The following DNASE1 variants were observed in gnomAD, a reference collection of about 807,000 sequenced individuals.
DNASE1 encodes deoxyribonuclease-1.
In DNASE1, 40 loss-of-function variants were observed where a neutral mutation model predicts 33.9. The observed-to-expected ratio is 1.18, with a 90% confidence interval of 0.92 to 1.54. The LOEUF (loss-of-function observed/expected upper bound fraction) is 1.54. Ranked by LOEUF, DNASE1 falls within the 40% of genes most tolerant of loss-of-function variation. The pLI, the probability that DNASE1 is intolerant of heterozygous loss-of-function variation, is 0.00. For synonymous variants in DNASE1, 216 were observed against 160.0 expected (o/e 1.35, Z -2.64); for missense variants, 518 against 372.6 (o/e 1.39, Z -3.21).
intron 1 of DNASE1, among the ~76,000 whole-genome samples, chr16:3,619,505 G>A (rs934125421): frequency 6.6e-6 from 1 of 151,940 alleles, no homozygotes; most frequent in Non-Finnish European, 1.5e-5. Context: ...GGGGCTACAG[G>A]CTCCCGCCAC....
At chr16:3,638,701 A>G (rs537851729), upstream of DNASE1, among the ~76,000 whole-genome samples, 3 of 152,188 alleles carry the variant, frequency 2.0e-5, no homozygotes, top group South Asian at 4.1e-4. Context: ...TATTTGGGAA[A>G]TTTTGCTTAT....
downstream of DNASE1, chr16:3,660,682 G>A (rs1274871003): frequency 1.3e-5 from 2 of 152,204 alleles, no homozygotes; most frequent in Admixed American, 1.3e-4. Context: ...CTAGGAAGAT[G>A]CATCTCCCTC....
downstream of DNASE1, chr16:3,658,800 A>G (rs769957626): frequency 8.7e-6 from 14 of 1,613,580 alleles, no homozygotes; most frequent in Non-Finnish European, 1.2e-5. Flanking sequence ...CACCTGATCC[A>G]CCAGCAGCTG....
intron 1 of DNASE1, among the ~76,000 whole-genome samples, chr16:3,647,713 A>G (rs1041783004): frequency 2.0e-5 from 3 of 152,182 alleles, no homozygotes; most frequent in Non-Finnish European, 4.4e-5. Context: ...ATGTGACTGT[A>G]AAATATAAGG....
exon 10 of DNASE1, chr16:3,663,458 G>A (rs745429831): frequency 3.1e-6 from 5 of 1,614,180 alleles, no homozygotes; most frequent in Middle Eastern, 1.6e-4. Context: ...CCTCCTTGTA[G>A]TGATCCACGA....
upstream of DNASE1, among the ~76,000 whole-genome samples, chr16:3,649,744 GC>G (rs1238780555): frequency 6.6e-6 from 1 of 152,138 alleles, no homozygotes; most frequent in African/African-American, 2.4e-5. Flanking sequence ...TTATCTTGTG[GC>G]CTGGGTAGTG....
chr16:3,646,872 G>T (rs1037214379), intron 1 of DNASE1, among the ~76,000 whole-genome samples: 7 of 152,048 alleles, frequency 4.6e-5, no homozygotes, highest in African/African-American at 1.7e-4. Flanking sequence ...GCGGGGCCTA[G>T]GATGATCTCA....
upstream of DNASE1, among the ~76,000 whole-genome samples, chr16:3,642,250 C>T (rs1163866322): frequency 1.3e-5 from 2 of 152,248 alleles, no homozygotes; most frequent in African/African-American, 4.8e-5. Context: ...CTTCTGAGCA[C>T]TGCTCTGACA....
chr16:3,650,118 A>T (rs1223293372), upstream of DNASE1, among the ~76,000 whole-genome samples: 1 of 152,160 alleles, frequency 6.6e-6, no homozygotes, highest in African/African-American at 2.4e-5. Flanking sequence ...GAGTTAATTC[A>T]TGGATATTTA....
At chr16:3,653,717 G>A (rs2042417698), upstream of DNASE1, 1 of 138,566 alleles carries the variant, frequency 7.2e-6, no homozygotes, top group African/African-American at 2.7e-5. Context: ...TGAGGCAGAA[G>A]AATTGCTTGA....
At position 3,656,753 on chromosome 16, in the gene DNASE1, G is replaced by A. The variant is rs755563219; in HGVS notation, c.436G>A (p.Glu146Lys). 1 of 1,603,386 alleles carries A rather than the reference G, an allele frequency of 6.2e-7. No individual in the cohort carries two copies. ...TGTCAGGTTCTTCTCCCGGTTCACAGGTGGGTGCTGCCTGGGCCAGGGTGG... is the reference window on the plus strand; with the variant it reads ...TGTCAGGTTCTTCTCCCGGTTCACAAGTGGGTGCTGCCTGGGCCAGGGTGG... ...AIVRFFSRFT[E>K]VREFAIVPLH... Residue 146 changes from glutamate (E) to lysine (K), a missense_variant and splice_region_variant, in exon 5 of 9, where the codon GAG becomes AAG. Coordinates refer to ENST00000246949, the MANE Select transcript of DNASE1 (RefSeq NM_005223.4).
At chr16:3,647,178 A>G (rs2042197925) in intron 1 of DNASE1, among the ~76,000 whole-genome samples, 1 of 151,204 alleles carries the variant, frequency 6.6e-6, no homozygotes, top group Non-Finnish European at 1.5e-5. Flanking sequence ...ACTAATGGTT[A>G]CCTTATTTTT....
At chr16:3,623,850 CAGTG>C (rs2041410631) in intron 1 of DNASE1, among the ~76,000 whole-genome samples, 4 of 152,150 alleles carry the variant, frequency 2.6e-5, no homozygotes, top group Admixed American at 2.6e-4. Context: ...ATCAAAACCA[CAGTG>C]AGATATCATC....
upstream of DNASE1, chr16:3,654,348 G>A (rs1480352467): frequency 5.0e-6 from 2 of 398,818 alleles, no homozygotes; most frequent in Non-Finnish European, 4.4e-6. Flanking sequence ...ACCACTGCTT[G>A]TTCCGAGCTC....
At chr16:3,641,949 A>T (rs1375049284), upstream of DNASE1, among the ~76,000 whole-genome samples, 3 of 152,220 alleles carry the variant, frequency 2.0e-5, no homozygotes, top group Non-Finnish European at 2.9e-5. Flanking sequence ...GCAGAGTTGG[A>T]AGAAATACAG....
chr16:3,659,117 A>C, downstream of DNASE1: 1 of 434,946 alleles, frequency 2.3e-6, no homozygotes, highest in Non-Finnish European at 4.1e-6. Context: ...CTAAAGGGAC[A>C]AAAGGAGCTT....
chr16:3,647,465 G>T (rs748252237), intron 1 of DNASE1, among the ~76,000 whole-genome samples: 1 of 151,972 alleles, frequency 6.6e-6, no homozygotes, highest in African/African-American at 2.4e-5. Flanking sequence ...GTAGAGACAG[G>T]TTCTTGCCAT....
chr16:3,664,789 G>T, exon 10 of DNASE1: 1 of 275,558 alleles, frequency 3.6e-6, no homozygotes. Flanking sequence ...TCTGCCCTCA[G>T]TGACAGAGTC....
At chr16:3,664,018 G>A (rs867773507) in exon 10 of DNASE1, 8 of 412,588 alleles carry the variant, frequency 1.9e-5, no homozygotes, top group Middle Eastern at 1.3e-3. Context: ...AGCCGAGATC[G>A]CACCACTGCA....
Sources: allele counts gnomAD v4.1 joint callset (sites outside exome capture counted in the v4.1 genomes callset), GRCh38; gene constraint gnomAD v4.1.1; transcripts MANE v1.5; gene names NCBI Gene and HGNC (gene_info 2026-07-23, HGNC 2026-07-21).